NDST4: variants seen among roughly 807,000 people sequenced by gnomAD.
NDST4 encodes N-deacetylase and N-sulfotransferase 4.
A neutral mutation model predicts 100.8 loss-of-function variants in NDST4; 63 were observed. The observed-to-expected ratio is 0.62, with a 90% CI of 0.51 to 0.77. The LOEUF is 0.77. NDST4 is among the 30% of genes least tolerant of loss of function. The pLI, the probability that NDST4 is intolerant of heterozygous loss-of-function variation, is 0.00. For missense variants in NDST4, 943 were observed against 1,018.4 expected (o/e 0.93, Z 1.01); for synonymous variants, 377 against 361.8 (o/e 1.04, Z -0.48).
At chr4:114,850,341 C>A (rs980573388) in intron 8 of NDST4, among the ~76,000 whole-genome samples, 1 of 152,144 alleles carries the variant, frequency 6.6e-6, no homozygotes. Context: ...GTTCTGCACA[C>A]ATACCTTCAT....
chr4:114,999,541 C>A (rs1158566128), intron 2 of NDST4, among the ~76,000 whole-genome samples: 1 of 152,024 alleles, frequency 6.6e-6, no homozygotes, highest in African/African-American at 2.4e-5. Flanking sequence ...TTTGGATATT[C>A]ATTCATTAAG....
intron 2 of NDST4, among the ~76,000 whole-genome samples, chr4:115,059,110 A>T (rs550808481): frequency 6.6e-6 from 1 of 152,118 alleles, no homozygotes; most frequent in African/African-American, 2.4e-5. Context: ...TGGGATGATG[A>T]GTAACTCCAA....
intron 1 of NDST4, among the ~76,000 whole-genome samples, chr4:115,090,256 C>T (rs1008281138): frequency 6.6e-6 from 1 of 151,716 alleles, no homozygotes; most frequent in Non-Finnish European, 1.5e-5. Context: ...AGTACCTCTA[C>T]CAATAGAATA....
At chr4:115,013,346 C>CATATATATATATATATATATAT (rs200801455) in intron 2 of NDST4, among the ~76,000 whole-genome samples, 23 of 65,338 alleles carry the variant, frequency 3.5e-4, no homozygotes, top group African/African-American at 7.7e-4. Context: ...ATATAAATAC[C>CATATATATATATATATATATAT]ATATATATAT....
At chr4:114,893,315 G>A (rs183289039) in intron 6 of NDST4, among the ~76,000 whole-genome samples, 6 of 152,176 alleles carry the variant, frequency 3.9e-5, no homozygotes, top group South Asian at 2.1e-4. Context: ...TTGAGGAATC[G>A]CCATACTGTC....
intron 2 of NDST4, among the ~76,000 whole-genome samples, chr4:115,025,198 T>A (rs1578464425): frequency 6.6e-6 from 1 of 152,122 alleles, no homozygotes; most frequent in Non-Finnish European, 1.5e-5. Flanking sequence ...GTGTGACACA[T>A]CCAACATGGG....
intron 3 of NDST4, among the ~76,000 whole-genome samples, chr4:114,971,572 C>T (rs1726515392): frequency 6.6e-6 from 1 of 152,076 alleles, no homozygotes; most frequent in Non-Finnish European, 1.5e-5. Flanking sequence ...TCTCTTACTA[C>T]TTAACTGTGT....
At chr4:114,972,231 C>T (rs1726530387) in intron 3 of NDST4, among the ~76,000 whole-genome samples, 1 of 151,942 alleles carries the variant, frequency 6.6e-6, no homozygotes, top group African/African-American at 2.4e-5. Flanking sequence ...TTAACAAAGT[C>T]AGTAGATTAA....
intron 1 of NDST4, among the ~76,000 whole-genome samples, chr4:115,088,089 A>T (rs1298784220): frequency 6.6e-6 from 1 of 151,892 alleles, no homozygotes; most frequent in Non-Finnish European, 1.5e-5. Flanking sequence ...CTATTTCCCC[A>T]ACTTATACTA....
At chr4:114,848,424 T>A in intron 8 of NDST4, 86 bp from the exon 9 acceptor site, 2 of 1,057,900 alleles carry the variant, frequency 1.9e-6, no homozygotes, top group Non-Finnish European at 2.7e-6. Flanking sequence ...AAAGTAATAT[T>A]AAAATAATCA....
chr4:115,094,044 A>G (rs1383585501), intron 1 of NDST4, among the ~76,000 whole-genome samples: 1 of 152,072 alleles, frequency 6.6e-6, no homozygotes, highest in Non-Finnish European at 1.5e-5. Context: ...ATGAAGATAA[A>G]ACAAGATAAA....
At chr4:114,828,069 C>A in intron 13 of NDST4, 134 bp from the exon 14 acceptor site, 1 of 814,748 alleles carries the variant, frequency 1.2e-6, no homozygotes, top group South Asian at 3.2e-5. Flanking sequence ...TGTATTTTTC[C>A]TCAAATATCA....
chr4:114,847,465 T>C (rs1723578522), intron 9 of NDST4, among the ~76,000 whole-genome samples: 1 of 141,850 alleles, frequency 7.0e-6, no homozygotes, highest in Admixed American at 7.3e-5. Flanking sequence ...CACACAAACT[T>C]ACATGCTGCA....
intron 4 of NDST4, among the ~76,000 whole-genome samples, chr4:114,946,455 A>G (rs574668010): frequency 6.6e-6 from 1 of 152,326 alleles, no homozygotes; most frequent in South Asian, 2.1e-4. Context: ...GGGTTGCAAA[A>G]TTAAATAGAT....
chr4:115,099,142 T>C (rs1331920380), intron 1 of NDST4, among the ~76,000 whole-genome samples: 1 of 152,208 alleles, frequency 6.6e-6, no homozygotes, highest in African/African-American at 2.4e-5. Flanking sequence ...ACCTTTTTAA[T>C]AATTAACTCA....
At chr4:115,084,117 A>T (rs1001124630) in intron 1 of NDST4, among the ~76,000 whole-genome samples, 1 of 152,194 alleles carries the variant, frequency 6.6e-6, no homozygotes, top group Non-Finnish European at 1.5e-5. Flanking sequence ...AATGCTGATA[A>T]CAATATGAAC....
At chr4:114,912,865 A>G (rs1488482448) in intron 6 of NDST4, among the ~76,000 whole-genome samples, 1 of 152,118 alleles carries the variant, frequency 6.6e-6, no homozygotes, top group Admixed American at 6.6e-5. Flanking sequence ...CCAAATTAGG[A>G]TGGATAGGTG....
At chr4:114,983,462 G>T (rs948629436) in intron 2 of NDST4, among the ~76,000 whole-genome samples, 5 of 152,188 alleles carry the variant, frequency 3.3e-5, no homozygotes, top group African/African-American at 9.6e-5. Flanking sequence ...TGACTGCCCT[G>T]CTGGGTTTCA....
At chr4:115,089,801 A>C (rs894756033) in intron 1 of NDST4, among the ~76,000 whole-genome samples, 1 of 151,884 alleles carries the variant, frequency 6.6e-6, no homozygotes, top group Non-Finnish European at 1.5e-5. Flanking sequence ...TCAAGCCTAA[A>C]GTTTTGAAAA....
Sources: gnomAD v4.1 joint callset for allele counts (sites outside exome capture counted in the v4.1 genomes callset) on GRCh38, gnomAD v4.1.1 for gene constraint, MANE v1.5 for transcripts, NCBI Gene and HGNC (gene_info 2026-07-23, HGNC 2026-07-21) for gene names.